ZNF155: variants seen among roughly 807,000 people sequenced by gnomAD.
ZNF155 encodes the protein zinc finger protein 155.
Under a neutral mutation model 11.9 loss-of-function variants are expected in ZNF155, and 15 were observed. That is an observed-to-expected ratio of 1.26 (90% CI 0.84 to 1.94). The LOEUF (loss-of-function observed/expected upper bound fraction) is 1.94, where lower values mean the gene tolerates loss of function less well. ZNF155 is among the 30% of genes most tolerant of loss of function. The probability of loss-of-function intolerance (pLI) is 0.00; values close to 1 mark genes in which losing one functional copy is unlikely to be tolerated. For synonymous variants in ZNF155, 212 were observed against 219.9 expected (o/e 0.96, Z 0.32); for missense variants, 602 against 639.1 (o/e 0.94, Z 0.63).
Position 43,996,901 on chromosome 19 carries a change from G to A in ZNF155, c.1044G>A (p.Gln348=), listed in dbSNP as rs749042699. Residue 348 remains glutamine (Q), a synonymous_variant, in exon 5 of 5, where the codon CAG becomes CAA. Transcript: ENST00000270014. ...HTGEKPYRCE[Q]CGKGFIGRLD... ...GAGAGAAACCGTACAGATGTGAGCA[G>A]TGTGGAAAAGGCTTTATTGGTAGGC... 2.0e-5 allele frequency: 32 copies of A among 1,613,798 alleles called. No individual in the cohort carries two copies. The highest frequency in any genetic ancestry group is 4.4e-5 in the South Asian group (4 of 91,060).
Position 43,997,150 on chromosome 19 carries a change from G to A in ZNF155, c.1293G>A (p.Glu431=), listed in dbSNP as rs761837231. 8.7e-5 allele frequency: 141 copies of A among 1,614,076 alleles called. No individual in the cohort carries two copies. The highest frequency in any genetic ancestry group is 7.6e-4 in the East Asian group (34 of 44,898). Reference sequence around the variant, plus strand: ...GTGGTGAAAAGCCATATAAATGTGAGGAGTGTGGGAAGGGCTATGTTACTA... The same window carrying A: ...GTGGTGAAAAGCCATATAAATGTGAAGAGTGTGGGAAGGGCTATGTTACTA... ...SHSGEKPYKC[E]ECGKGYVTKF... The change falls in exon 5 of 5, where the codon GAG becomes GAA. Residue 431 remains glutamate, a synonymous_variant. Transcript: ENST00000270014.
rs1162139100 is a variant in ZNF155 at position 43,996,282 on chromosome 19, A to G, written c.425A>G (p.His142Arg). ...SQVEAGLPTI[H>R]TGQKPSQGGK... ...GTTGAAGCAGGACTACCCACAATTC[A>G]TACAGGACAGAAACCTTCCCAGGGT... Residue 142 changes from histidine to arginine, a missense_variant, in exon 5 of 5, where the codon CAT becomes CGT. Transcript: ENST00000270014. 4 of 1,614,230 alleles carry G rather than the reference A, an allele frequency of 2.5e-6. No homozygotes were observed. The highest frequency in any genetic ancestry group is 3.4e-6 in the Non-Finnish European group (4 of 1,180,028).
At chr19:43,987,693 T>C (rs933106082) in intron 1 of ZNF155, among the ~76,000 whole-genome samples, 3 of 152,240 alleles carry the variant, frequency 2.0e-5, no homozygotes, top group African/African-American at 4.8e-5. Flanking sequence ...AGATACATTA[T>C]TAATGGGCAT....
Position 43,997,318 on chromosome 19 carries a change from G to A in ZNF155, c.1461G>A (p.Glu487=), listed in dbSNP as rs1366329255. The change falls in exon 5 of 5, where the codon GAG becomes GAA. Residue 487 remains glutamate, a synonymous_variant. Coordinates refer to ENST00000270014, the MANE Select transcript of ZNF155 (RefSeq NM_198089.3). The stretch of plus-strand genomic sequence containing the variant: ...GCCAGAAAAAACCATTCAAATGTGA[G>A]GACTGTGGAAAGAGGCTTGTACACA... ...LHCQKKPFKC[E]DCGKRLVHRT... is the part of the protein sequence containing the mutation. The A allele has an allele frequency of 6.2e-7, 1 of 1,613,980 alleles. No homozygotes were observed. The highest frequency in any genetic ancestry group is 8.5e-7 in the Non-Finnish European group (1 of 1,180,012).
intron 4 of ZNF155, among the ~76,000 whole-genome samples, chr19:43,994,274 G>A (rs1479923565): frequency 1.3e-5 from 2 of 152,114 alleles, no homozygotes; most frequent in Non-Finnish European, 2.9e-5. Flanking sequence ...GTGTGTCTCT[G>A]TACTCCTTCA....
Position 43,991,829 on chromosome 19 carries a change from T to TA in ZNF155, c.143-12dup. ...TGTGTTGGGATTCAGCACGTGACCT[T>TA]ACCTATTCACAGGGCATCAACCGTT... is the stretch of plus-strand genomic sequence containing the variant. On this transcript the variant is annotated splice_polypyrimidine_tract_variant and intron_variant, in intron 3 of 4. Coordinates refer to ENST00000270014, the MANE Select transcript of ZNF155 (RefSeq NM_198089.3). 6.2e-7 allele frequency: 1 copy of TA among 1,612,344 alleles called. No homozygotes were observed.
rs771468665 is a variant in ZNF155, at chr19:43,996,466, CTT to C, written c.611_612del (p.Phe204TyrfsTer3). ...AGAGAGTCCACGTGGGAGAGAAACT[CTT>C]TATGTGTGATGTGTGTGGCAAGGAA... ...HQRVHVGEKL[F>X]MCDVCGKEFS... is the part of the protein sequence containing the mutation. On this transcript the variant is annotated frameshift_variant, in exon 5 of 5. Coordinates refer to ENST00000270014, the MANE Select transcript of ZNF155 (RefSeq NM_198089.3). LOFTEE classifies it low-confidence loss of function (END_TRUNC). The C allele has an allele frequency of 2.5e-6, 4 of 1,614,112 alleles. No homozygotes were observed. In the South Asian group the frequency reaches 3.3e-5, roughly 13 times the overall value.
intron 4 of ZNF155, among the ~76,000 whole-genome samples, chr19:43,993,644 C>T (rs542594420): frequency 1.4e-4 from 21 of 152,122 alleles, no homozygotes; most frequent in Non-Finnish European, 2.8e-4. Flanking sequence ...GAACTCCTGA[C>T]CTCAGGTGAT....
Position 43,996,273 on chromosome 19 carries a change from C to A in ZNF155, c.416C>A (p.Pro139His). The change falls in exon 5 of 5, where the codon CCC becomes CAC. Residue 139 changes from proline to histidine, a missense_variant. Physicochemically the swap from Pro to His is moderately conservative, Grantham distance 77. Transcript: ENST00000270014. Reference sequence around the variant, plus strand: ...CCCTCCCAGGTTGAAGCAGGACTACCCACAATTCATACAGGACAGAAACCT... The same window carrying A: ...CCCTCCCAGGTTGAAGCAGGACTACACACAATTCATACAGGACAGAAACCT... ...DVPSQVEAGL[P>H]TIHTGQKPSQ... is the part of the protein sequence containing the mutation. 6.2e-7 allele frequency: 1 copy of A among 1,614,110 alleles called. No individual in the cohort carries two copies. Among genetic ancestry groups the A allele is most frequent in the Non-Finnish European group, 8.5e-7 (1 of 1,180,002 alleles).
In ZNF155 at chr19:43,997,847, AG is replaced by A. The variant is rs1227599587; in HGVS notation, c.*376del. ...CACAAACCTCCGGCTCACTCAGTTA[AG>A]GGAACAAGACCAGACACAGAAATGC... On this transcript the variant is annotated 3_prime_UTR_variant, in exon 5 of 5. Transcript: ENST00000270014. 1 of 173,434 alleles carries A rather than the reference AG, an allele frequency of 5.8e-6. No homozygotes were observed. Among genetic ancestry groups the A allele is most frequent in the Non-Finnish European group, 1.2e-5 (1 of 81,638 alleles). 10.7% of individuals were successfully genotyped at this position (173,434 alleles called of 1,614,324 possible).
intron 2 of ZNF155, chr19:43,988,780 G>A: frequency 4.7e-6 from 2 of 422,674 alleles, no homozygotes; most frequent in Non-Finnish European, 8.4e-6. Context: ...ATGAAAATTA[G>A]TAGAAATGAA....
chr19:43,993,854 C>T (rs1203395031), intron 4 of ZNF155, among the ~76,000 whole-genome samples: 1 of 152,150 alleles, frequency 6.6e-6, no homozygotes, highest in African/African-American at 2.4e-5. Flanking sequence ...TTACTTAATT[C>T]AGGACTTGGT....
intron 2 of ZNF155, among the ~76,000 whole-genome samples, chr19:43,991,330 T>A (rs1206985037): frequency 6.6e-6 from 1 of 152,074 alleles, no homozygotes; most frequent in African/African-American, 2.4e-5. Context: ...ACAGAATAAA[T>A]GTATGAGACT....
In ZNF155 at chr19:43,997,832, C is replaced by T. The variant is rs1457051705; in HGVS notation, c.*358C>T. 2 of 179,734 alleles carry T rather than the reference C, an allele frequency of 1.1e-5. No individual in the cohort carries two copies. The highest frequency in any genetic ancestry group is 4.7e-5 in the African/African-American group (2 of 42,108). 11.1% of individuals were successfully genotyped at this position (179,734 alleles called of 1,614,324 possible). A position where few individuals can be genotyped will look rare whatever the true frequency, so the allele number is the denominator to read the frequency against. ...TCAGGTAAAAACTCGCACAAACCTCCGGCTCACTCAGTTAAGGGAACAAGA... is the reference window on the plus strand; with the variant it reads ...TCAGGTAAAAACTCGCACAAACCTCTGGCTCACTCAGTTAAGGGAACAAGA... On this transcript the variant is annotated 3_prime_UTR_variant, in exon 5 of 5. Transcript: ENST00000270014.
chr19:43,985,699 G>A lies in ZNF155; in HGVS notation c.-86+1454G>A, dbSNP rs377437059. Among the ~76,000 whole-genome samples, 13 of 151,988 alleles carry A rather than the reference G, an allele frequency of 8.6e-5. No individual in the cohort carries two copies. The East Asian group carries it at 1.7e-3, about 20-fold the overall frequency. ...TGGGATTACAGGTGCGCACCACCAC[G>A]CCCAGCTAATTTTTGTATTTTTAGT... On this transcript the variant is annotated intron_variant, in intron 1 of 4. Coordinates refer to ENST00000270014, the MANE Select transcript of ZNF155 (RefSeq NM_198089.3).
chr19:43,985,580 G>A (rs1320468917), intron 1 of ZNF155, among the ~76,000 whole-genome samples: 2 of 132,520 alleles, frequency 1.5e-5, no homozygotes, highest in Non-Finnish European at 1.6e-5. Flanking sequence ...TCGCTCTGTC[G>A]CCCAGGCTAG....
In ZNF155 at chr19:43,996,148, G is replaced by A; in HGVS notation, c.291G>A (p.Glu97=). The change falls in exon 5 of 5, where the codon GAG becomes GAA. Residue 97 remains glutamate, a synonymous_variant. Transcript: ENST00000270014. ...ESVPEAGAHE[E]WSCQQIWEQI... ...TTCCAGAAGCAGGAGCACATGAAGA[G>A]TGGTCCTGCCAGCAAATCTGGGAAC... 2.5e-6 allele frequency: 4 copies of A among 1,613,832 alleles called. No individual in the cohort carries two copies. Among genetic ancestry groups the A allele is most frequent in the South Asian group, 1.1e-5 (1 of 91,054 alleles).
In ZNF155 at chr19:43,996,833, C is replaced by A. The variant is rs749203215; in HGVS notation, c.976C>A (p.His326Asn). 6.2e-7 allele frequency: 1 copy of A among 1,613,808 alleles called. No individual in the cohort carries two copies. The highest frequency in any genetic ancestry group is 8.5e-7 in the Non-Finnish European group (1 of 1,179,966). ...FRCDTCDKSF[H>N]QRSALNRHCM... The stretch of plus-strand genomic sequence containing the variant: ...GTGTGATACATGTGATAAGAGCTTT[C>A]ATCAGAGATCAGCACTTAATAGGCA... The change falls in exon 5 of 5, where the codon CAT becomes AAT. Residue 326 changes from histidine (H) to asparagine (N), a missense_variant. By Grantham distance (68) the His-to-Asn change is moderately conservative (BLOSUM62 1). Coordinates refer to ENST00000270014, the MANE Select transcript of ZNF155 (RefSeq NM_198089.3).
In ZNF155 at chr19:43,996,410, A is replaced by G. The variant is rs1038184663; in HGVS notation, c.553A>G (p.Ile185Val). 3 of 1,614,094 alleles carry G rather than the reference A, an allele frequency of 1.9e-6. No individual in the cohort carries two copies. The African/African-American group carries it at 4.0e-5, about 22-fold the overall frequency. ...TACATGTGATGAGTGTGGAAAAAGC[A>G]TCTGTTACATCTCAGCTCTTCATGT... is the stretch of plus-strand genomic sequence containing the variant. ...SYTCDECGKSICYISALHVHQ... is the reference protein window; with the variant it reads ...SYTCDECGKSVCYISALHVHQ... Residue 185 changes from isoleucine (I) to valine (V), a missense_variant, in exon 5 of 5, where the codon ATC (isoleucine) becomes GTC (valine). Transcript: ENST00000270014.
Sources: allele counts gnomAD v4.1 joint callset (sites outside exome capture counted in the v4.1 genomes callset), GRCh38; gene constraint gnomAD v4.1.1; transcripts MANE v1.5; gene names NCBI Gene and HGNC (gene_info 2026-07-23, HGNC 2026-07-21).